The following AXIN1 variants were observed in gnomAD, a reference collection of about 807,000 sequenced individuals.
The protein encoded by AXIN1 is axin-1.
A neutral mutation model predicts 76.4 loss-of-function variants in AXIN1; 30 were observed. The observed-to-expected ratio is 0.39, with a 90% CI of 0.29 to 0.53. AXIN1 has a LOEUF of 0.53. AXIN1 is among the 20% of genes least tolerant of loss of function. The pLI is 0.66. For synonymous variants in AXIN1, 545 were observed against 501.4 expected (o/e 1.09, Z -1.16); for missense variants, 1,140 against 1,198.8 (o/e 0.95, Z 0.72).
intron 2 of AXIN1, among the ~76,000 whole-genome samples, chr16:337,364 G>A (rs917428855): frequency 5.9e-5 from 9 of 151,788 alleles, no homozygotes; most frequent in African/African-American, 2.2e-4. Context: ...ATGCCACTGG[G>A]CATTCAAGTC....
At chr16:312,618 C>T (rs1185330308) in intron 3 of AXIN1, among the ~76,000 whole-genome samples, 1 of 152,184 alleles carries the variant, frequency 6.6e-6, no homozygotes, top group Non-Finnish European at 1.5e-5. Flanking sequence ...CCAGTAACCT[C>T]AAGTCAGGTG....
intron 5 of AXIN1, among the ~76,000 whole-genome samples, chr16:298,793 G>C (rs1006703947): frequency 6.6e-6 from 1 of 151,848 alleles, no homozygotes; most frequent in Admixed American, 6.6e-5. Context: ...TTTTGAGACA[G>C]AGTCTTGCTC....
In AXIN1 at chr16:293,500, G is replaced by A. The variant is rs1316816500; in HGVS notation, c.2174C>T (p.Pro725Leu). The change falls in exon 8 of 11, where the codon CCC (proline) becomes CTC (leucine). Residue 725 changes from proline to leucine, a missense_variant. This residue lies in a region of AXIN1 where 429 missense variants were observed against 405.8 expected (regional missense o/e 1.06). Transcript: ENST00000262320. The surrounding 1 kb of genome is among the most constrained non-coding windows in gnomAD (Gnocchi z 4.6). ...EEEEKRASRA[P>L]SKQRYVQEVM... ...GACGCGGCCGTACCTCTGCTTGGAG[G>A]GTGCTCGGCTGGCTCTCTTTTCTTC... is the stretch of plus-strand genomic sequence containing the variant. 1.1e-5 allele frequency: 17 copies of A among 1,609,398 alleles called. No homozygotes were observed. The highest frequency in any genetic ancestry group is 1.4e-5 in the Non-Finnish European group (16 of 1,179,954).
intron 2 of AXIN1, among the ~76,000 whole-genome samples, chr16:319,888 C>G (rs553466617): frequency 6.6e-6 from 1 of 152,226 alleles, no homozygotes; most frequent in Non-Finnish European, 1.5e-5. Context: ...GGGCCACCGT[C>G]GGATCGGGTT....
intron 9 of AXIN1, 163 bp downstream of exon 9, chr16:291,027 G>A (rs112313095): frequency 3.6e-5 from 25 of 701,480 alleles, no homozygotes; most frequent in African/African-American, 1.4e-4. Flanking sequence ...GAAGGCTCTC[G>A]GGCAGCTTCG....
At chr16:340,439 G>C (rs900461143) in intron 2 of AXIN1, among the ~76,000 whole-genome samples, 1 of 152,224 alleles carries the variant, frequency 6.6e-6, no homozygotes, top group African/African-American at 2.4e-5. Context: ...CTGCGGGCTT[G>C]ACCAAGCGGA....
chr16:292,895 C>A, intron 8 of AXIN1: 1 of 129,928 alleles, frequency 7.7e-6, no homozygotes, highest in Non-Finnish European at 1.7e-5. Flanking sequence ...GTGAGGAGGG[C>A]TGTGGGCTGG....
intron 2 of AXIN1, among the ~76,000 whole-genome samples, chr16:321,019 T>G (rs943027751): frequency 1.3e-5 from 2 of 152,168 alleles, no homozygotes; most frequent in African/African-American, 4.8e-5. Context: ...ATTACAGGCT[T>G]AAGCCACTGC....
chr16:320,833 G>A (rs1458821767), intron 2 of AXIN1, among the ~76,000 whole-genome samples: 2 of 148,860 alleles, frequency 1.3e-5, no homozygotes, highest in Non-Finnish European at 3.0e-5. Flanking sequence ...TCCGCCTCCT[G>A]GGTTCAATCG....
chr16:297,340 GC>G (rs2052739975), intron 6 of AXIN1, 114 bp from the exon 7 acceptor site: 2 of 1,393,068 alleles, frequency 1.4e-6, no homozygotes, highest in South Asian at 2.5e-5. Flanking sequence ...TGCAGCCGCC[GC>G]CCGCTGTCCC....
chr16:325,886 G>C (rs2053569685), intron 2 of AXIN1, among the ~76,000 whole-genome samples: 1 of 152,070 alleles, frequency 6.6e-6, no homozygotes, highest in South Asian at 2.1e-4. Flanking sequence ...ATATGAATGT[G>C]ACAAAGGCAC....
intron 4 of AXIN1, among the ~76,000 whole-genome samples, chr16:307,270 C>A (rs1431947130): frequency 6.6e-6 from 1 of 152,210 alleles, no homozygotes; most frequent in Non-Finnish European, 1.5e-5. Context: ...TAAAAAGACT[C>A]CAGGTGGCCT....
chr16:308,953 C>G (rs574134468), intron 4 of AXIN1, among the ~76,000 whole-genome samples: 11 of 152,146 alleles, frequency 7.2e-5, no homozygotes, highest in Non-Finnish European at 1.3e-4. Context: ...CTAAGAAATC[C>G]TGACCAAGAC....
In AXIN1 at chr16:293,203, C is replaced by A; in HGVS notation, c.2186+285G>T. On this transcript the variant is annotated intron_variant, in intron 8 of 10. Coordinates refer to ENST00000262320, the MANE Select transcript of AXIN1 (RefSeq NM_003502.4). This position sits in a 1 kb window ranked among gnomAD's most constrained non-coding sequence, Gnocchi z 4.6. ...TTCCCCACACACTGGGGCCCTGCAG[C>A]CTCCCTGCAGACTGGGCTCAGGTTG... is the stretch of plus-strand genomic sequence containing the variant. The A allele has an allele frequency of 3.8e-6, 2 of 520,270 alleles. No homozygotes were observed. The highest frequency in any genetic ancestry group is 6.9e-6 in the Non-Finnish European group (2 of 288,290). The allele number at this position is 520,270 out of a possible 1,614,324, so 32.2% of individuals were successfully genotyped here.
intron 2 of AXIN1, among the ~76,000 whole-genome samples, chr16:322,241 G>A (rs2053475355): frequency 6.6e-6 from 1 of 152,228 alleles, no homozygotes; most frequent in South Asian, 2.1e-4. Context: ...CCAGGCTCCA[G>A]GAGGAGGTGA....
At chr16:290,838 T>C (rs368967272) in intron 9 of AXIN1, 3 of 406,784 alleles carry the variant, frequency 7.4e-6, no homozygotes, top group East Asian at 1.1e-4. Flanking sequence ...AAGTCAGGCC[T>C]GGCAGGGACC....
intron 2 of AXIN1, among the ~76,000 whole-genome samples, chr16:329,003 C>T (rs538191400): frequency 1.1e-4 from 17 of 152,220 alleles, no homozygotes; most frequent in South Asian, 6.2e-4. Flanking sequence ...GGGCTGGGCA[C>T]GGTAGCTCAC....
chr16:322,153 G>A (rs1014209533), intron 2 of AXIN1, among the ~76,000 whole-genome samples: 21 of 152,206 alleles, frequency 1.4e-4, no homozygotes, highest in African/African-American at 2.4e-4. Flanking sequence ...CCCAGGCAGC[G>A]CATGCCGCAG....
intron 2 of AXIN1, among the ~76,000 whole-genome samples, chr16:321,259 C>T (rs532663676): frequency 1.2e-4 from 18 of 150,864 alleles, no homozygotes; most frequent in African/African-American, 4.4e-4. Context: ...TAGTAAGGCA[C>T]CACATTTCCA....
Sources: gnomAD v4.1 joint callset for allele counts (sites outside exome capture counted in the v4.1 genomes callset) on GRCh38, gnomAD v4.1.1 for gene constraint, gnomAD v4.1.1 regional missense constraint, Gnocchi (gnomAD v3.1) non-coding constraint, MANE v1.5 for transcripts, NCBI Gene and HGNC (gene_info 2026-07-23, HGNC 2026-07-21) for gene names.